Variants in OR6C2 observed in about 807,000 individuals in gnomAD.
The protein encoded by OR6C2 is olfactory receptor family 6 subfamily C member 2, also known as olfactory receptor 6C2.
For synonymous variants in OR6C2, 146 were observed against 134.2 expected (o/e 1.09, Z -0.61); for missense variants, 435 against 365.8 (o/e 1.19, Z -1.54).
In OR6C2 at chr12:55,452,517, G is replaced by C; in HGVS notation, c.304G>C (p.Val102Leu). 10 of 1,613,820 alleles carry C rather than the reference G, an allele frequency of 6.2e-6. No individual in the cohort carries two copies. The highest frequency in any genetic ancestry group is 1.3e-5 in the African/African-American group (1 of 75,014). The stretch of plus-strand genomic sequence containing the variant: ...TGCTTGTGCCAGTCAAATATTCTTT[G>C]TTATTCTCTTTGGAGCAACAGAATT... ...YNACASQIFF[V>L]ILFGATEFFL... is the part of the protein sequence containing the mutation. The change falls in exon 2 of 2, where the codon GTT becomes CTT. Residue 102 changes from valine (V) to leucine (L), a missense_variant. Val to Leu is a conservative substitution (Grantham distance 32). Transcript: ENST00000641202.
At chr12:55,449,951 G>T (rs530273284) in intron 1 of OR6C2, among the ~76,000 whole-genome samples, 1 of 151,950 alleles carries the variant, frequency 6.6e-6, no homozygotes, top group East Asian at 1.9e-4. Flanking sequence ...AAAAATGATA[G>T]TGCAGTTTGA....
Position 55,453,022 on chromosome 12 carries a change from A to T in OR6C2, c.809A>T (p.Lys270Ile). The change falls in exon 2 of 2, where the codon AAA becomes ATA. Residue 270 changes from lysine to isoleucine, a missense_variant. By Grantham distance (102) the Lys-to-Ile change is moderately radical. Transcript: ENST00000641202. Reference sequence around the variant, plus strand: ...GCAAAAGATGAGGTGGCCATAAATAAAGGAGTTTCAGTTCTTACTACTTCT... The same window carrying T: ...GCAAAAGATGAGGTGGCCATAAATATAGGAGTTTCAGTTCTTACTACTTCT... ...PSAKDEVAIN[K>I]GVSVLTTSVA... 6.2e-7 allele frequency: 1 copy of T among 1,613,564 alleles called. No homozygotes were observed. The highest frequency in any genetic ancestry group is 1.1e-5 in the South Asian group (1 of 91,078).
Position 55,453,197 on chromosome 12 carries a change from A to G in OR6C2, c.*45A>G. 1 of 1,383,116 alleles carries G rather than the reference A, an allele frequency of 7.2e-7. No individual in the cohort carries two copies. Among genetic ancestry groups the G allele is most frequent in the East Asian group, 2.3e-5 (1 of 43,090 alleles). 85.7% of individuals were successfully genotyped at this position (1,383,116 alleles called of 1,614,324 possible). A position where few individuals can be genotyped will look rare whatever the true frequency, so the allele number is the denominator to read the frequency against. ...TAAAGTGAATGAAGAAGGCTCCCTAAATGTCATCCTACAGCTTTTAACTTA... is the reference window on the plus strand; with the variant it reads ...TAAAGTGAATGAAGAAGGCTCCCTAGATGTCATCCTACAGCTTTTAACTTA... On this transcript the variant is annotated 3_prime_UTR_variant, in exon 2 of 2. Coordinates refer to ENST00000641202, the MANE Select transcript of OR6C2 (RefSeq NM_054105.2).
chr12:55,444,948 A>G (rs1322343114), intron 1 of OR6C2, among the ~76,000 whole-genome samples: 1 of 152,178 alleles, frequency 6.6e-6, no homozygotes, highest in Admixed American at 6.5e-5. Flanking sequence ...TGCATGAAAG[A>G]GGATTGAGGC....
rs868587641 is a variant in OR6C2, at chr12:55,452,937, C to T, written c.724C>T (p.His242Tyr). ...RKKAFSTCSSHMIVVSIAYGS... is the reference protein window; with the variant it reads ...RKKAFSTCSSYMIVVSIAYGS... ...AAAGGCCTTTTCTACCTGTTCATCC[C>T]ACATGATTGTGGTTTCCATTGCCTA... is the stretch of plus-strand genomic sequence containing the variant. The change falls in exon 2 of 2, where the codon CAC becomes TAC. Residue 242 changes from histidine (H) to tyrosine (Y), a missense_variant. Transcript: ENST00000641202. 2 of 1,613,724 alleles carry T rather than the reference C, an allele frequency of 1.2e-6. No individual in the cohort carries two copies. Among genetic ancestry groups the T allele is most frequent in the East Asian group, 4.5e-5 (2 of 44,870 alleles).
chr12:55,449,205 C>T (rs911770275), intron 1 of OR6C2, among the ~76,000 whole-genome samples: 14 of 151,908 alleles, frequency 9.2e-5, no homozygotes, highest in African/African-American at 1.4e-4. Flanking sequence ...ATAAGCATAG[C>T]AGCAATTCTA....
At chr12:55,444,551 C>T (rs1421926795) in intron 1 of OR6C2, among the ~76,000 whole-genome samples, 2 of 152,130 alleles carry the variant, frequency 1.3e-5, no homozygotes, top group Non-Finnish European at 2.9e-5. Flanking sequence ...TTCAATCCCT[C>T]ATATTTATTA....
chr12:55,453,072 A>G lies in OR6C2; in HGVS notation c.859A>G (p.Ile287Val). 1 of 1,613,416 alleles carries G rather than the reference A, an allele frequency of 6.2e-7. No individual in the cohort carries two copies. Among genetic ancestry groups the G allele is most frequent in the Non-Finnish European group, 8.5e-7 (1 of 1,179,612 alleles). ...TSVAPLLNPFIYTLRNKQVKQ... is the reference protein window; with the variant it reads ...TSVAPLLNPFVYTLRNKQVKQ... ...TGTCGCACCCTTGTTGAACCCCTTC[A>G]TTTACACCTTGAGGAACAAGCAAGT... The change falls in exon 2 of 2, where the codon ATT (isoleucine) becomes GTT (valine). Residue 287 changes from isoleucine (I) to valine (V), a missense_variant. Physicochemically the swap from Ile to Val is conservative, Grantham distance 29. Coordinates refer to ENST00000641202, the MANE Select transcript of OR6C2 (RefSeq NM_054105.2).
Position 55,453,104 on chromosome 12 carries a change from A to AG in OR6C2, c.892dup (p.Ala298GlyfsTer4). On this transcript the variant is annotated frameshift_variant, in exon 2 of 2. Transcript: ENST00000641202. LOFTEE classifies it low-confidence loss of function (END_TRUNC). ...CCTTGAGGAACAAGCAAGTGAAACA[A>AG]GCTTTCAGTGACTCTATAAAGAGGA... The AG allele has an allele frequency of 6.2e-7, 1 of 1,613,276 alleles. No individual in the cohort carries two copies. Among genetic ancestry groups the AG allele is most frequent in the Admixed American group, 1.7e-5 (1 of 59,856 alleles).
In OR6C2 at chr12:55,447,069, T is replaced by C. The variant is rs75543729; in HGVS notation, c.-888+2910T>C. On this transcript the variant is annotated intron_variant, in intron 1 of 1. Transcript: ENST00000641202. The stretch of plus-strand genomic sequence containing the variant: ...CACAAGGAACTTAGACCAGTGAGTC[T>C]AGGGCTGAATGCTATTCTGCAGAAT... Among the ~76,000 whole-genome samples, 562 of 152,362 alleles carry C rather than the reference T, an allele frequency of 3.7e-3. 20 individuals carry two copies. In the East Asian group the frequency reaches 0.083, roughly 22 times the overall value.
intron 1 of OR6C2, among the ~76,000 whole-genome samples, chr12:55,444,752 C>T (rs1871334018): frequency 6.6e-6 from 1 of 152,154 alleles, no homozygotes; most frequent in Non-Finnish European, 1.5e-5. Flanking sequence ...GATGTCAATT[C>T]TCAGTTACTT....
At chr12:55,445,398 T>C (rs1423334640) in intron 1 of OR6C2, among the ~76,000 whole-genome samples, 1 of 152,162 alleles carries the variant, frequency 6.6e-6, no homozygotes, top group Non-Finnish European at 1.5e-5. Context: ...ACTGATGATA[T>C]TTGCAGTAAT....
intron 1 of OR6C2, among the ~76,000 whole-genome samples, chr12:55,447,516 C>T (rs949020344): frequency 1.3e-5 from 2 of 152,076 alleles, no homozygotes; most frequent in Non-Finnish European, 2.9e-5. Context: ...CCCTTGGCAA[C>T]CAAGATTCTA....
In OR6C2 at chr12:55,452,655, G is replaced by T. The variant is rs780221299; in HGVS notation, c.442G>T (p.Val148Leu). ...TACCTTATTAGTTCTCTGCTGTTGG[G>T]TGGCTGGCTTGATGATCATTGTTCC... ...VCTLLVLCCW[V>L]AGLMIIVPPL... The change falls in exon 2 of 2, where the codon GTG becomes TTG. Residue 148 changes from valine to leucine, a missense_variant. Physicochemically the swap from Val to Leu is conservative, Grantham distance 32. Coordinates refer to ENST00000641202, the MANE Select transcript of OR6C2 (RefSeq NM_054105.2). The T allele has an allele frequency of 1.2e-6, 2 of 1,613,668 alleles. No individual in the cohort carries two copies. Among genetic ancestry groups the T allele is most frequent in the Non-Finnish European group, 1.7e-6 (2 of 1,179,842 alleles).
intron 1 of OR6C2, among the ~76,000 whole-genome samples, chr12:55,449,228 T>C (rs1388807970): frequency 1.3e-5 from 2 of 152,008 alleles, no homozygotes; most frequent in Non-Finnish European, 2.9e-5. Context: ...CTTCTTGACA[T>C]TGCAGTATAA....
At chr12:55,444,501 G>T (rs1217621486) in intron 1 of OR6C2, among the ~76,000 whole-genome samples, 4 of 152,002 alleles carry the variant, frequency 2.6e-5, no homozygotes, top group Non-Finnish European at 5.9e-5. Context: ...TTTCTAAATT[G>T]TAAATATTCT....
rs1871522736 is a variant in OR6C2, at chr12:55,453,048, G to A, written c.835G>A (p.Val279Ile). The change falls in exon 2 of 2, where the codon GTC becomes ATC. Residue 279 changes from valine (V) to isoleucine (I), a missense_variant. Transcript: ENST00000641202. Reference sequence around the variant, plus strand: ...AGGAGTTTCAGTTCTTACTACTTCTGTCGCACCCTTGTTGAACCCCTTCAT... The same window carrying A: ...AGGAGTTTCAGTTCTTACTACTTCTATCGCACCCTTGTTGAACCCCTTCAT... The part of the protein sequence containing the change: ...NKGVSVLTTS[V>I]APLLNPFIYT... 6.2e-7 allele frequency: 1 copy of A among 1,613,472 alleles called. No homozygotes were observed. The highest frequency in any genetic ancestry group is 8.5e-7 in the Non-Finnish European group (1 of 1,179,666).
chr12:55,445,984 T>G (rs1871353560), intron 1 of OR6C2, among the ~76,000 whole-genome samples: 1 of 152,234 alleles, frequency 6.6e-6, no homozygotes, highest in African/African-American at 2.4e-5. Context: ...CCCAGAAAAC[T>G]ATACTTGTGA....
intron 1 of OR6C2, among the ~76,000 whole-genome samples, chr12:55,447,438 T>C (rs1483834847): frequency 1.3e-5 from 2 of 152,106 alleles, no homozygotes; most frequent in Non-Finnish European, 2.9e-5. Context: ...CTCTAGAACT[T>C]ACTCATCCTG....
Sources: gnomAD v4.1 joint callset for allele counts (sites outside exome capture counted in the v4.1 genomes callset) on GRCh38, gnomAD v4.1.1 for gene constraint, MANE v1.5 for transcripts, NCBI Gene and HGNC (gene_info 2026-07-23, HGNC 2026-07-21) for gene names.